Variants in MAST4 observed in about 807,000 individuals in gnomAD.
MAST4 encodes microtubule-associated serine/threonine-protein kinase 4.
In MAST4, 89 loss-of-function variants were observed where a neutral mutation model predicts 162.7. That is an observed-to-expected ratio of 0.55 (90% CI 0.46 to 0.65). The LOEUF is 0.65. MAST4 is among the 30% of genes least tolerant of loss of function. MAST4 has a pLI of 0.00. For synonymous variants in MAST4, 1,479 were observed against 1,361.1 expected, an observed-to-expected ratio of 1.09 and a Z score of -1.91; for missense variants, 3,153 against 3,374.0, an observed-to-expected ratio of 0.93 and a Z score of 1.62.
chr5:66,842,721 G>A (rs1196436151), intron 3 of MAST4, among the ~76,000 whole-genome samples: 1 of 152,140 alleles, frequency 6.6e-6, no homozygotes, highest in East Asian at 1.9e-4. Flanking sequence ...CGAGATGAGA[G>A]TCTATACATT....
intron 1 of MAST4, among the ~76,000 whole-genome samples, chr5:66,728,365 T>G (rs947091269): frequency 2.6e-5 from 4 of 152,146 alleles, no homozygotes; most frequent in Non-Finnish European, 4.4e-5. Context: ...TACATCCAAG[T>G]TGAGATGGTT....
intron 4 of MAST4, among the ~76,000 whole-genome samples, chr5:67,033,941 TTTG>T (rs2150448101): frequency 6.6e-6 from 1 of 152,302 alleles, no homozygotes; most frequent in South Asian, 2.1e-4. Flanking sequence ...TCATTTTAGA[TTTG>T]TAACCCTGTT....
At chr5:67,113,596 GTT>G (rs1286429355) in intron 11 of MAST4, among the ~76,000 whole-genome samples, 1 of 152,084 alleles carries the variant, frequency 6.6e-6, no homozygotes, top group Admixed American at 6.5e-5. Context: ...TAACGTTGAA[GTT>G]TTTCTTTCTA....
Position 67,162,635 on chromosome 5 carries a change from A to G in MAST4, c.3814A>G (p.Lys1272Glu). ...GAGATCTCTTTTCAAAAAGCTAGCC[A>G]AGCAGCCTTCTCCTTTACTCCACAC... ...RRRSLFKKLA[K>E]QPSPLLHTSR... is the part of the protein sequence containing the mutation. The change falls in exon 28 of 29, where the codon AAG (lysine) becomes GAG (glutamate). Residue 1272 changes from lysine to glutamate, a missense_variant. Around this residue, in one of 7 missense-constraint regions of MAST4, gnomAD observed 619 missense variants for 744.2 expected, o/e 0.83. Transcript: ENST00000403625. 1 of 1,613,766 alleles carries G rather than the reference A, an allele frequency of 6.2e-7. No individual in the cohort carries two copies. Among genetic ancestry groups the G allele is most frequent in the Non-Finnish European group, 8.5e-7 (1 of 1,179,796 alleles).
At chr5:66,993,044 A>C (rs1750226638) in intron 4 of MAST4, among the ~76,000 whole-genome samples, 1 of 152,218 alleles carries the variant, frequency 6.6e-6, no homozygotes, top group Non-Finnish European at 1.5e-5. Flanking sequence ...ACTTTACTTC[A>C]GCCATACTTA....
At chr5:67,078,665 A>ATATTTATTTTATATT (rs373797717) in intron 5 of MAST4, among the ~76,000 whole-genome samples, 1 of 135,842 alleles carries the variant, frequency 7.4e-6, no homozygotes, top group African/African-American at 2.8e-5. Context: ...TATTTATTTT[A>ATATTTATTTTATATT]TATTTATATT....
chr5:67,164,748 A>G lies in MAST4; in HGVS notation c.5569A>G (p.Arg1857Gly), dbSNP rs756070812. 1.2e-6 allele frequency: 2 copies of G among 1,614,000 alleles called. No homozygotes were observed. The highest frequency in any genetic ancestry group is 1.7e-5 in the Admixed American group (1 of 60,030). Residue 1857 changes from arginine (R) to glycine (G), a missense_variant, in exon 29 of 29, where the codon AGA becomes GGA. Arg to Gly is a moderately radical substitution (Grantham distance 125). Around this residue, in one of 7 missense-constraint regions of MAST4, gnomAD observed 1,644 missense variants for 1,495.0 expected, o/e 1.10. Transcript: ENST00000403625. This position sits in a 1 kb window ranked among gnomAD's most constrained non-coding sequence, Gnocchi z 5.3. The stretch of plus-strand genomic sequence containing the variant: ...GAAAAAGAACGATACCACCAGTGCA[A>G]GAGAGCTTTCTCCTTCCAGCTTAAA... ...SGKKNDTTSARELSPSSLKMN... is the reference protein window; with the variant it reads ...SGKKNDTTSAGELSPSSLKMN...
chr5:67,025,007 G>A lies in MAST4; in HGVS notation c.675-29397G>A, dbSNP rs1001025909. Among the ~76,000 whole-genome samples the A allele has an allele frequency of 4.6e-5, 7 of 151,982 alleles. No individual in the cohort carries two copies. The East Asian group carries it at 5.8e-4, about 13-fold the overall frequency. On this transcript the variant is annotated intron_variant, in intron 4 of 28. Coordinates refer to ENST00000403625, the MANE Select transcript of MAST4 (RefSeq NM_001164664.2). ...TAAAAGAGATCTTGTTTCTGTTCACGTTTCTGCCACTAACTAGTTGTGTGA... is the reference window on the plus strand; with the variant it reads ...TAAAAGAGATCTTGTTTCTGTTCACATTTCTGCCACTAACTAGTTGTGTGA...
chr5:67,040,513 G>A (rs1009757948), intron 4 of MAST4, among the ~76,000 whole-genome samples: 11 of 152,132 alleles, frequency 7.2e-5, no homozygotes, highest in African/African-American at 2.7e-4. Flanking sequence ...GTGTATCCTG[G>A]GATAAAACTC....
At chr5:67,060,415 G>A (rs1759415069) in intron 5 of MAST4, among the ~76,000 whole-genome samples, 2 of 152,016 alleles carry the variant, frequency 1.3e-5, no homozygotes, top group South Asian at 2.1e-4. Context: ...AAGACAGTCT[G>A]GGGTAGAACA....
intron 4 of MAST4, among the ~76,000 whole-genome samples, chr5:66,906,826 A>G (rs1435962342): frequency 6.6e-6 from 1 of 152,190 alleles, no homozygotes; most frequent in Non-Finnish European, 1.5e-5. Flanking sequence ...ACCACTTTCT[A>G]ATTTTGCCTT....
intron 1 of MAST4, among the ~76,000 whole-genome samples, chr5:66,634,168 TC>T (rs34152226): frequency 0.09 from 13,641 of 152,224 alleles, 933 homozygotes; most frequent in East Asian, 0.42. Flanking sequence ...CAAGCGATTC[TC>T]CTGCCCCAGC....
At chr5:66,971,440 G>A (rs1194599068) in intron 4 of MAST4, among the ~76,000 whole-genome samples, 1 of 152,072 alleles carries the variant, frequency 6.6e-6, no homozygotes, top group East Asian at 1.9e-4. Context: ...TTATTCAGAG[G>A]GCTCTGGGAG....
At chr5:66,894,228 A>G (rs1033860287) in intron 3 of MAST4, among the ~76,000 whole-genome samples, 1 of 152,224 alleles carries the variant, frequency 6.6e-6, no homozygotes, top group Non-Finnish European at 1.5e-5. Context: ...CCAACCTCTA[A>G]TAAACAACAT....
rs371209983 is a variant in MAST4, at chr5:67,152,860, C to T, written c.3519C>T (p.Ile1173=). 1,611 of 1,613,050 alleles carry T rather than the reference C, an allele frequency of 1.0e-3. 3 individuals carry two copies. The highest frequency in any genetic ancestry group is 1.3e-3 in the Non-Finnish European group (1,537 of 1,179,212). ...GTGACATCTATACAGTGCACCATAT[C>T]GTCTGGGTAAGACCTGCATGTCTCG... ...GDSDIYTVHH[I]VWNVEEGSPA... Residue 1173 remains isoleucine (I), a synonymous_variant, in exon 25 of 29, where the codon ATC becomes ATT. Transcript: ENST00000403625.
intron 1 of MAST4, among the ~76,000 whole-genome samples, chr5:66,688,726 T>A (rs11746471): frequency 5.9e-5 from 9 of 152,038 alleles, no homozygotes; most frequent in Admixed American, 5.2e-4. Context: ...TGATTCCCAT[T>A]CTAGTTTCAG....
At chr5:66,711,136 C>A (rs1220838924) in intron 1 of MAST4, among the ~76,000 whole-genome samples, 2 of 152,204 alleles carry the variant, frequency 1.3e-5, no homozygotes, top group African/African-American at 4.8e-5. Context: ...ATGCTGCGTC[C>A]ATGAGGATCA....
At chr5:66,605,959 T>C (rs75882624) in intron 1 of MAST4, among the ~76,000 whole-genome samples, 3,305 of 152,348 alleles carry the variant, frequency 0.022, 123 homozygotes, top group African/African-American at 0.075. Context: ...CAGGTAAGAC[T>C]GGTTGGGAAC....
intron 5 of MAST4, among the ~76,000 whole-genome samples, chr5:67,059,338 A>G (rs1010130054): frequency 4.6e-5 from 7 of 152,214 alleles, no homozygotes; most frequent in African/African-American, 1.7e-4. Flanking sequence ...GATAATCTCT[A>G]TACTTGAAGG....
Sources: gnomAD v4.1 joint callset for allele counts (sites outside exome capture counted in the v4.1 genomes callset) on GRCh38, gnomAD v4.1.1 for gene constraint, gnomAD v4.1.1 regional missense constraint, Gnocchi (gnomAD v3.1) non-coding constraint, MANE v1.5 for transcripts, NCBI Gene and HGNC (gene_info 2026-07-23, HGNC 2026-07-21) for gene names.